Variants in TOP3A observed in about 807,000 individuals in gnomAD.
TOP3A encodes DNA topoisomerase 3-alpha.
In TOP3A, 64 loss-of-function variants were observed where a neutral mutation model predicts 111.3. That is an observed-to-expected ratio of 0.57 (90% CI 0.47 to 0.71). The LOEUF (loss-of-function observed/expected upper bound fraction) is 0.71. TOP3A is among the 30% of genes least tolerant of loss of function. The pLI is 0.00. For synonymous variants in TOP3A, 484 were observed against 485.1 expected, an observed-to-expected ratio of 1.00 and a Z score of 0.03; for missense variants, 1,104 against 1,285.0, an observed-to-expected ratio of 0.86 and a Z score of 2.15.
intron 13 of TOP3A, among the ~76,000 whole-genome samples, chr17:18,289,140 G>A (rs1980308832): frequency 6.6e-6 from 1 of 152,164 alleles, no homozygotes; most frequent in Non-Finnish European, 1.5e-5. Context: ...AGCCTCCCAA[G>A]TAGCTGGGAT....
intron 9 of TOP3A, among the ~76,000 whole-genome samples, chr17:18,295,313 A>C (rs1980726997): frequency 6.6e-6 from 1 of 151,014 alleles, no homozygotes; most frequent in Non-Finnish European, 1.5e-5. Flanking sequence ...ATGCTTGGCA[A>C]ATTTTTGTAT....
rs1981264875 is a variant in TOP3A at position 18,302,057 on chromosome 17, T to C, written c.815-72A>G. ...TCATGATATGACAGATAGAAAAAGG[T>C]TTATTGTGGTGAAAGTCAAACGAAT... On this transcript the variant is annotated intron_variant, in intron 7 of 18. Coordinates refer to ENST00000321105, the MANE Select transcript of TOP3A (RefSeq NM_004618.5). The C allele has an allele frequency of 1.9e-5, 28 of 1,492,008 alleles. No homozygotes were observed. In the South Asian group the frequency reaches 3.1e-4, roughly 16 times the overall value. The allele number at this position is 1,492,008 out of a possible 1,614,324, so 92.4% of individuals were successfully genotyped here.
chr17:18,288,131 T>TTATATATA lies in TOP3A; in HGVS notation c.1597+2418_1597+2425dup, dbSNP rs142429216. On this transcript the variant is annotated intron_variant, in intron 13 of 18. Coordinates refer to ENST00000321105, the MANE Select transcript of TOP3A (RefSeq NM_004618.5). The stretch of plus-strand genomic sequence containing the variant: ...GGTATATAAATAAAGCTGTTAATAA[T>TTATATATA]TATATATATATATATATAAATTTTT... 3.2e-4 allele frequency among the ~76,000 whole-genome samples: 39 copies of TTATATATA among 122,702 alleles called. 1 individual carries two copies. The highest frequency in any genetic ancestry group is 4.7e-4 in the South Asian group (2 of 4,274). The allele number at this position is 122,702 out of a possible 152,430, so 80.5% of individuals were successfully genotyped here. A position where few individuals can be genotyped will look rare whatever the true frequency, so the allele number is the denominator to read the frequency against.
chr17:18,294,038 C>G (rs1319330743), intron 10 of TOP3A, among the ~76,000 whole-genome samples: 1 of 152,206 alleles, frequency 6.6e-6, no homozygotes, highest in African/African-American at 2.4e-5. Flanking sequence ...TAGCTGCAGG[C>G]TGGACAGCAC....
chr17:18,310,887 TCTCA>T (rs1257478345), intron 1 of TOP3A, among the ~76,000 whole-genome samples: 2 of 152,130 alleles, frequency 1.3e-5, no homozygotes, highest in Non-Finnish European at 2.9e-5. Context: ...ACCCCTAACT[TCTCA>T]CTGTTTCTGA....
chr17:18,292,505 G>T, intron 11 of TOP3A, 140 bp downstream of exon 11: 1 of 839,704 alleles, frequency 1.2e-6, no homozygotes, highest in Non-Finnish European at 1.8e-6. Context: ...ATCAAAGCCA[G>T]GCAGAGGATT....
At chr17:18,275,348 T>TC (rs1979282669) in intron 18 of TOP3A, among the ~76,000 whole-genome samples, 1 of 56,862 alleles carries the variant, frequency 1.8e-5, no homozygotes, top group Non-Finnish European at 3.5e-5. Flanking sequence ...AACCAACTTT[T>TC]TTTTTTTTTT....
At chr17:18,275,652 G>A (rs1053277850) in intron 18 of TOP3A, among the ~76,000 whole-genome samples, 14 of 148,702 alleles carry the variant, frequency 9.4e-5, no homozygotes, top group Non-Finnish European at 1.5e-4. Context: ...GTGAGCCACC[G>A]TGCCCGGCCT....
chr17:18,287,921 C>T (rs954740952), intron 13 of TOP3A, among the ~76,000 whole-genome samples: 7 of 151,638 alleles, frequency 4.6e-5, no homozygotes, highest in African/African-American at 1.7e-4. Context: ...TCGCTTGAAC[C>T]TGGGTGGCGG....
At chr17:18,284,439 C>G (rs1979966333) in intron 15 of TOP3A, among the ~76,000 whole-genome samples, 1 of 152,248 alleles carries the variant, frequency 6.6e-6, no homozygotes, top group African/African-American at 2.4e-5. Context: ...AAAGTCCCAA[C>G]CTTCTAATCA....
intron 10 of TOP3A, 21 bp from the exon 11 acceptor site, chr17:18,292,873 C>A (rs201371298): frequency 3.1e-6 from 5 of 1,592,588 alleles, no homozygotes; most frequent in Admixed American, 1.8e-5. Context: ...GGCAAACAAA[C>A]AGAAAAAGAA....
chr17:18,297,929 G>A (rs1438355807), intron 9 of TOP3A, among the ~76,000 whole-genome samples: 2 of 149,378 alleles, frequency 1.3e-5, no homozygotes, highest in Admixed American at 1.3e-4. Context: ...GCCCAGTCTG[G>A]AAAGTGAGGA....
chr17:18,285,080 G>C, intron 15 of TOP3A, 62 bp downstream of exon 15: 1 of 1,575,908 alleles, frequency 6.3e-7, no homozygotes, highest in Non-Finnish European at 8.6e-7. Flanking sequence ...CTTGAGGCCA[G>C]GAGTTCAAGA....
chr17:18,300,807 A>G lies in TOP3A; in HGVS notation c.915+1078T>C, dbSNP rs187581440. The stretch of plus-strand genomic sequence containing the variant: ...TTAACAAATAATTGTACAGTGTCAC[A>G]GAGACTCCCAGTGGTCCAGGGTCAA... On this transcript the variant is annotated intron_variant, in intron 8 of 18. Coordinates refer to ENST00000321105, the MANE Select transcript of TOP3A (RefSeq NM_004618.5). Among the ~76,000 whole-genome samples, 226 of 152,304 alleles carry G rather than the reference A, an allele frequency of 1.5e-3. 1 individual carries two copies. The highest frequency in any genetic ancestry group is 0.01 in the Middle Eastern group (3 of 294).
intron 18 of TOP3A, among the ~76,000 whole-genome samples, chr17:18,275,344 C>CTTTTTTTT (rs71155327): frequency 2.6e-5 from 2 of 77,152 alleles, no homozygotes; most frequent in Non-Finnish European, 4.4e-5. Context: ...GCTGAACCAA[C>CTTTTTTTT]TTTTTTTTTT....
chr17:18,274,633 A>C lies in TOP3A; in HGVS notation c.*169T>G, dbSNP rs1979214447. The C allele has an allele frequency of 1.7e-6, 2 of 1,178,130 alleles. No individual in the cohort carries two copies. Among genetic ancestry groups the C allele is most frequent in the Admixed American group, 2.9e-5 (1 of 34,408 alleles). 73.0% of individuals were successfully genotyped at this position (1,178,130 alleles called of 1,614,324 possible). On this transcript the variant is annotated 3_prime_UTR_variant, in exon 19 of 19. Transcript: ENST00000321105. ...CTGTCCAGCAGAGCTGGCCTGCTCC[A>C]GAGTGATCTGGACCTTGTGCCCCTT...
At chr17:18,307,113 C>T (rs1418843722) in intron 3 of TOP3A, 147 bp from the exon 4 acceptor site, 3 of 588,236 alleles carry the variant, frequency 5.1e-6, no homozygotes, top group Non-Finnish European at 9.0e-6. Context: ...TGACCCTCTG[C>T]ATGACACACT....
chr17:18,288,149 A>ATATATATATATATAT (rs1301508954), intron 13 of TOP3A, among the ~76,000 whole-genome samples: 260 of 121,750 alleles, frequency 2.1e-3, no homozygotes, highest in African/African-American at 6.4e-3. Flanking sequence ...ATATATATAT[A>ATATATATATATATAT]AATTTTTTTT....
rs373768906 is a variant in TOP3A, at chr17:18,305,200, A to G, written c.411T>C (p.Thr137=). The G allele has an allele frequency of 6.2e-7, 1 of 1,614,066 alleles. No homozygotes were observed. Among genetic ancestry groups the G allele is most frequent in the Non-Finnish European group, 8.5e-7 (1 of 1,180,044 alleles). The stretch of plus-strand genomic sequence containing the variant: ...AGATCACCAGAGCCTGGCACTGGCG[A>G]GTCTCTCGTTCCAAAGTTTTCTTAA... ...VDIKKTLERE[T]RQCQALVIWT... is the part of the protein sequence containing the mutation. Residue 137 remains threonine, a synonymous_variant, in exon 5 of 19, where the codon ACT becomes ACC. Coordinates refer to ENST00000321105, the MANE Select transcript of TOP3A (RefSeq NM_004618.5).
Sources: allele counts gnomAD v4.1 joint callset (sites outside exome capture counted in the v4.1 genomes callset), GRCh38; gene constraint gnomAD v4.1.1; transcripts MANE v1.5; gene names NCBI Gene and HGNC (gene_info 2026-07-23, HGNC 2026-07-21).